The following DENND2B variants were observed in gnomAD, a reference collection of about 807,000 sequenced individuals.
The protein encoded by DENND2B is DENN domain containing 2B.
DENND2B carries 32 observed loss-of-function variants against 116.0 expected under a neutral mutation model. The observed-to-expected ratio is 0.28, with a 90% confidence interval of 0.21 to 0.37. DENND2B has a LOEUF of 0.37. DENND2B is among the 10% of genes least tolerant of loss of function. The pLI, the probability that DENND2B is intolerant of heterozygous loss-of-function variation, is 1.00. For synonymous variants in DENND2B, 588 were observed against 583.9 expected (o/e 1.01, Z -0.10); for missense variants, 1,276 against 1,477.7 (o/e 0.86, Z 2.24).
Position 8,694,000 on chromosome 11 carries a change from C to T in DENND2B, c.*96G>A, listed in dbSNP as rs759463729. On this transcript the variant is annotated 3_prime_UTR_variant, in exon 20 of 20. Transcript: ENST00000313726. The stretch of plus-strand genomic sequence containing the variant: ...GCTTGGAGGATAGGATCTGTGGGGG[C>T]AGAGGAGCCACAGCAGCCCAGAGGG... The T allele has an allele frequency of 2.6e-5, 36 of 1,362,598 alleles. No homozygotes were observed. The East Asian group carries it at 8.3e-4, about 31-fold the overall frequency. 84.4% of individuals were successfully genotyped at this position (1,362,598 alleles called of 1,614,324 possible). A position where few individuals can be genotyped will look rare whatever the true frequency, so the allele number is the denominator to read the frequency against.
chr11:8,777,340 TC>T (rs1408208892), intron 1 of DENND2B, among the ~76,000 whole-genome samples: 2 of 152,088 alleles, frequency 1.3e-5, no homozygotes, highest in African/African-American at 2.4e-5. Context: ...CTAATTCATT[TC>T]CCCCTGCCCA....
intron 1 of DENND2B, chr11:8,810,256 A>T (rs1257344569): frequency 6.6e-6 from 1 of 152,124 alleles, no homozygotes; most frequent in Non-Finnish European, 1.5e-5. Context: ...GTGCTAAATA[A>T]AAGTAAAATG....
intron 1 of DENND2B, among the ~76,000 whole-genome samples, chr11:8,893,332 C>A (rs977354329): frequency 1.3e-5 from 2 of 152,084 alleles, no homozygotes; most frequent in East Asian, 1.9e-4. Context: ...CTTTGAAAAC[C>A]GGCACAAGAC....
chr11:8,857,149 A>C (rs1566057878), intron 3 of DENND2B, among the ~76,000 whole-genome samples: 2 of 152,170 alleles, frequency 1.3e-5, no homozygotes, highest in Non-Finnish European at 2.9e-5. Context: ...GGATACTAAA[A>C]TGTCATTTAT....
At chr11:8,726,243 G>A (rs777647261) in intron 3 of DENND2B, 34 bp from the exon 4 acceptor site, 2 of 1,580,594 alleles carry the variant, frequency 1.3e-6, no homozygotes, top group Non-Finnish European at 1.7e-6. Flanking sequence ...CATTCCTGCT[G>A]AATCAGATCT....
chr11:8,893,818 C>A (rs1046293052), intron 1 of DENND2B, among the ~76,000 whole-genome samples: 2 of 152,084 alleles, frequency 1.3e-5, no homozygotes, highest in African/African-American at 4.8e-5. Flanking sequence ...AATGGCCATA[C>A]TACCCAAGGT....
intron 2 of DENND2B, among the ~76,000 whole-genome samples, chr11:8,867,430 C>T (rs1004386713): frequency 2.6e-5 from 4 of 152,066 alleles, no homozygotes; most frequent in South Asian, 2.1e-4. Context: ...TAAATCCCCA[C>T]GCAGGAACTC....
At chr11:8,741,381 A>ATTTGTG (rs2050178839) in intron 2 of DENND2B, among the ~76,000 whole-genome samples, 1 of 152,188 alleles carries the variant, frequency 6.6e-6, no homozygotes, top group African/African-American at 2.4e-5. Flanking sequence ...CACAGAGAGA[A>ATTTGTG]TACTGACACT....
chr11:8,698,892 G>C (rs2040955322), intron 16 of DENND2B, 41 bp downstream of exon 16: 1 of 1,612,214 alleles, frequency 6.2e-7, no homozygotes, highest in Admixed American at 1.7e-5. Context: ...ATGGTGCAGG[G>C]TGCTCAGGAG....
chr11:8,887,768 A>T (rs2134737770), intron 1 of DENND2B, among the ~76,000 whole-genome samples: 1 of 152,326 alleles, frequency 6.6e-6, no homozygotes, highest in South Asian at 2.1e-4. Flanking sequence ...ATAAAAGGTG[A>T]CATACCTCTC....
intron 2 of DENND2B, among the ~76,000 whole-genome samples, chr11:8,744,688 C>T (rs910761215): frequency 6.6e-6 from 1 of 152,152 alleles, no homozygotes; most frequent in East Asian, 1.9e-4. Context: ...CAACAGCTGT[C>T]CCACTGAATA....
chr11:8,761,824 T>C (rs1201703493), intron 1 of DENND2B, among the ~76,000 whole-genome samples: 1 of 152,070 alleles, frequency 6.6e-6, no homozygotes, highest in African/African-American at 2.4e-5. Flanking sequence ...CTGGGCAAAA[T>C]CCTAATACCT....
chr11:8,734,196 T>C (rs960613914), intron 2 of DENND2B, among the ~76,000 whole-genome samples: 1 of 152,222 alleles, frequency 6.6e-6, no homozygotes, highest in African/African-American at 2.4e-5. Flanking sequence ...TACCTCTTAT[T>C]AGCAATGGAC....
intron 1 of DENND2B, among the ~76,000 whole-genome samples, chr11:8,769,683 C>T (rs1262241276): frequency 6.6e-6 from 1 of 152,162 alleles, no homozygotes; most frequent in Non-Finnish European, 1.5e-5. Context: ...CTTTTTGCCA[C>T]CTGTTGCAGT....
At chr11:8,727,943 G>A (rs1266331948) in intron 3 of DENND2B, among the ~76,000 whole-genome samples, 1 of 143,362 alleles carries the variant, frequency 7.0e-6, no homozygotes, top group Non-Finnish European at 1.5e-5. Context: ...GAAACATTTG[G>A]CTTGGCTTGC....
At chr11:8,852,878 G>A (rs2063058988) in intron 3 of DENND2B, among the ~76,000 whole-genome samples, 1 of 152,196 alleles carries the variant, frequency 6.6e-6, no homozygotes, top group South Asian at 2.1e-4. Flanking sequence ...AGACAGTAAG[G>A]AGAAGGACGA....
intron 14 of DENND2B, among the ~76,000 whole-genome samples, chr11:8,701,457 A>G (rs1269848732): frequency 1.3e-5 from 2 of 150,588 alleles, no homozygotes; most frequent in Admixed American, 6.7e-5. Flanking sequence ...ACTGGCTGGT[A>G]TCCACAACAC....
At chr11:8,815,716 T>A (rs546615935) in intron 4 of DENND2B, among the ~76,000 whole-genome samples, 1 of 152,356 alleles carries the variant, frequency 6.6e-6, no homozygotes, top group Non-Finnish European at 1.5e-5. Flanking sequence ...GCCTTTACTA[T>A]AGCGTTGATA....
intron 1 of DENND2B, among the ~76,000 whole-genome samples, chr11:8,751,153 A>G (rs944709517): frequency 6.6e-6 from 1 of 152,230 alleles, no homozygotes; most frequent in African/African-American, 2.4e-5. Flanking sequence ...AAACGCACCA[A>G]TCAGCACTCT....
Sources: allele counts gnomAD v4.1 joint callset (sites outside exome capture counted in the v4.1 genomes callset), GRCh38; gene constraint gnomAD v4.1.1; transcripts MANE v1.5; gene names NCBI Gene and HGNC (gene_info 2026-07-23, HGNC 2026-07-21).